The following XPNPEP3 variants were observed in gnomAD, a reference collection of about 807,000 sequenced individuals.
XPNPEP3 encodes the protein X-prolyl aminopeptidase 3.
In XPNPEP3, 41 loss-of-function variants were observed where a neutral mutation model predicts 60.0. The observed-to-expected ratio is 0.68, with a 90% CI of 0.53 to 0.89. The LOEUF is 0.89. Ranked by LOEUF, XPNPEP3 falls within the 40% of genes least tolerant of loss-of-function variation. XPNPEP3 has a pLI of 0.00. For missense variants in XPNPEP3, 598 were observed against 638.9 expected (o/e 0.94, Z 0.69); for synonymous variants, 212 against 223.2 (o/e 0.95, Z 0.45).
chr22:40,905,417 T>A (rs1288992631), intron 4 of XPNPEP3, among the ~76,000 whole-genome samples: 1 of 152,096 alleles, frequency 6.6e-6, no homozygotes, highest in Non-Finnish European at 1.5e-5. Flanking sequence ...CCAGCAGATA[T>A]TTACTGAACA....
At chr22:40,862,141 G>T (rs778637352) in intron 1 of XPNPEP3, 72 of 1,453,784 alleles carry the variant, frequency 5.0e-5, no homozygotes, top group Non-Finnish European at 6.3e-5. Context: ...CATGTGCTAA[G>T]AGATGAGGAT....
Position 40,907,641 on chromosome 22 carries a change from T to A in XPNPEP3, c.847T>A (p.Tyr283Asn), listed in dbSNP as rs765431767. ...AGCCCCTGTGGAAGAAGCCTTTCTT[T>A]ATGCTAAGGTGAGATTCAGATGGTT... ...SKAPVEEAFLYAKFEFECRAR... is the reference protein window; with the variant it reads ...SKAPVEEAFLNAKFEFECRAR... Residue 283 changes from tyrosine to asparagine, a missense_variant, in exon 5 of 10, where the codon TAT becomes AAT. By Grantham distance (143) the Tyr-to-Asn change is moderately radical. Coordinates refer to ENST00000357137, the MANE Select transcript of XPNPEP3 (RefSeq NM_022098.4). 6.2e-7 allele frequency: 1 copy of A among 1,613,896 alleles called. No homozygotes were observed. Among genetic ancestry groups the A allele is most frequent in the South Asian group, 1.1e-5 (1 of 91,080 alleles).
chr22:40,866,217 A>C (rs147761675), intron 1 of XPNPEP3, among the ~76,000 whole-genome samples: 1 of 152,236 alleles, frequency 6.6e-6, no homozygotes, highest in East Asian at 1.9e-4. Context: ...ATACATTTCA[A>C]ATCAAGTCAC....
At chr22:40,914,473 G>T in intron 7 of XPNPEP3, 149 bp downstream of exon 7, 3 of 521,964 alleles carry the variant, frequency 5.7e-6, no homozygotes, top group Non-Finnish European at 1.1e-5. Context: ...TTCTAAGACT[G>T]TTTTGTTCAT....
chr22:40,909,335 G>T lies in XPNPEP3; in HGVS notation c.969+100G>T, dbSNP rs906826525. 9.7e-6 allele frequency: 9 copies of T among 928,682 alleles called. No homozygotes were observed. In the African/African-American group the frequency reaches 1.5e-4, roughly 15 times the overall value. The allele number at this position is 928,682 out of a possible 1,614,324, so 57.5% of individuals were successfully genotyped here. ...TCTCACCTTCAGCTTTCACAAATTAGCTGACATTTTAAAAGTATTTTATTG... is the reference window on the plus strand; with the variant it reads ...TCTCACCTTCAGCTTTCACAAATTATCTGACATTTTAAAAGTATTTTATTG... On this transcript the variant is annotated intron_variant, in intron 6 of 9. Transcript: ENST00000357137.
intron 4 of XPNPEP3, 77 bp from the exon 5 acceptor site, chr22:40,907,510 A>C (rs995664759): frequency 3.5e-6 from 5 of 1,427,552 alleles, no homozygotes; most frequent in African/African-American, 2.8e-5. Context: ...TTTTCATTTG[A>C]GCTCCAGTAT....
intron 4 of XPNPEP3, among the ~76,000 whole-genome samples, chr22:40,902,182 C>T (rs1310801416): frequency 6.8e-6 from 1 of 147,002 alleles, no homozygotes; most frequent in Non-Finnish European, 1.5e-5. Flanking sequence ...AAGCGATTCT[C>T]CTGCCTCCTG....
intron 2 of XPNPEP3, 111 bp from the exon 3 acceptor site, chr22:40,881,659 T>A: frequency 7.8e-7 from 1 of 1,275,870 alleles, no homozygotes; most frequent in Non-Finnish European, 1.1e-6. Context: ...TGTGAGGAGA[T>A]TTGGCATAAA....
rs987993321 is a variant in XPNPEP3 at position 40,926,808 on chromosome 22, T to G, written c.*373T>G. On this transcript the variant is annotated 3_prime_UTR_variant, in exon 10 of 10. Transcript: ENST00000357137. ...TTCAAGTCCTTCCCTTTCTATACTT[T>G]TGCTGAGATCAACCCAATATCATAA... The G allele has an allele frequency of 1.6e-5, 5 of 314,312 alleles. No homozygotes were observed. Among genetic ancestry groups the G allele is most frequent in the African/African-American group, 1.1e-4 (5 of 45,850 alleles). 19.5% of individuals were successfully genotyped at this position (314,312 alleles called of 1,614,324 possible).
intron 2 of XPNPEP3, among the ~76,000 whole-genome samples, chr22:40,870,869 CA>C (rs1220852201): frequency 2.0e-5 from 3 of 148,098 alleles, no homozygotes; most frequent in Non-Finnish European, 3.0e-5. Context: ...AAATACCCCC[CA>C]AAAAAAAAAT....
chr22:40,871,847 A>G (rs1301935195), intron 2 of XPNPEP3, among the ~76,000 whole-genome samples: 1 of 152,210 alleles, frequency 6.6e-6, no homozygotes, highest in East Asian at 1.9e-4. Flanking sequence ...AGCCTGGCCA[A>G]CATAGTGAAA....
chr22:40,889,052 G>A (rs778617583), intron 4 of XPNPEP3, among the ~76,000 whole-genome samples: 1 of 148,128 alleles, frequency 6.8e-6, no homozygotes, highest in Non-Finnish European at 1.5e-5. Flanking sequence ...TTTTCTTTTT[G>A]AGACAGTGTC....
At chr22:40,912,215 T>C (rs1210478543) in intron 6 of XPNPEP3, among the ~76,000 whole-genome samples, 1 of 152,198 alleles carries the variant, frequency 6.6e-6, no homozygotes, top group Admixed American at 6.6e-5. Flanking sequence ...ATTTATGATT[T>C]TTCCAGATTC....
chr22:40,885,475 A>G (rs2058065109), intron 3 of XPNPEP3, among the ~76,000 whole-genome samples: 1 of 152,228 alleles, frequency 6.6e-6, no homozygotes, highest in South Asian at 2.1e-4. Context: ...GGGAGAAGTG[A>G]GGAAATATCA....
chr22:40,928,198 CTTCTT>C lies in XPNPEP3; in HGVS notation c.*1766_*1770del, dbSNP rs1345881706. ...GGGAGTGCAGTGGTAAAGAGTCATA[CTTCTT>C]TTTTTTTTTTTTTTTTGGAGACAGA... On this transcript the variant is annotated 3_prime_UTR_variant, in exon 10 of 10. Transcript: ENST00000357137. 2.3e-5 allele frequency: 3 copies of C among 132,208 alleles called. No individual in the cohort carries two copies. The highest frequency in any genetic ancestry group is 2.2e-4 in the Admixed American group (3 of 13,338). The allele number at this position is 132,208 out of a possible 1,614,324, so 8.2% of individuals were successfully genotyped here. A position where few individuals can be genotyped will look rare whatever the true frequency, so the allele number is the denominator to read the frequency against.
chr22:40,901,782 T>C (rs553082716), intron 4 of XPNPEP3, among the ~76,000 whole-genome samples: 1 of 152,122 alleles, frequency 6.6e-6, no homozygotes, highest in Non-Finnish European at 1.5e-5. Context: ...TCCATTTATA[T>C]GAAATATGCG....
chr22:40,859,887 T>C (rs1466064596), intron 1 of XPNPEP3: 4 of 152,206 alleles, frequency 2.6e-5, no homozygotes, highest in African/African-American at 9.7e-5. Flanking sequence ...TAGGTGCTAT[T>C]TTAGAGTAAT....
chr22:40,907,563 T>G (rs1333900596), intron 4 of XPNPEP3, 24 bp from the exon 5 acceptor site: 1 of 1,609,992 alleles, frequency 6.2e-7, no homozygotes, highest in South Asian at 1.1e-5. Flanking sequence ...ATCGTGTTCT[T>G]TTCATCCTCC....
chr22:40,910,309 T>C (rs1417225192), intron 6 of XPNPEP3, among the ~76,000 whole-genome samples: 1 of 152,096 alleles, frequency 6.6e-6, no homozygotes, highest in East Asian at 1.9e-4. Flanking sequence ...TTGTATTACA[T>C]ATATGTGACT....
Sources: gnomAD v4.1 joint callset for allele counts (sites outside exome capture counted in the v4.1 genomes callset) on GRCh38, gnomAD v4.1.1 for gene constraint, MANE v1.5 for transcripts, NCBI Gene and HGNC (gene_info 2026-07-23, HGNC 2026-07-21) for gene names.